PHB1: variants seen among roughly 807,000 people sequenced by gnomAD.
PHB1 encodes epididymis luminal protein 215.
the PHB1 span, chr17:49,411,559 T>C: frequency 2.4e-6 from 2 of 831,944 alleles, no homozygotes; most frequent in African/African-American, 3.4e-5. Flanking sequence ...TAGTCATTCC[T>C]ATGATGTACA....
chr17:49,411,160 G>A, the PHB1 span, among the ~76,000 whole-genome samples: 371 of 151,258 alleles, frequency 2.5e-3, no homozygotes, highest in Middle Eastern at 3.6e-3. Context: ...AAAACAGTAC[G>A]GAAAGAAATT....
At chr17:49,406,154 A>G in the PHB1 span, among the ~76,000 whole-genome samples, 1 of 152,256 alleles carries the variant, frequency 6.6e-6, no homozygotes, top group Admixed American at 6.5e-5. Context: ...CTGCCCACAC[A>G]GTGTTTTCAT....
the PHB1 span, chr17:49,412,899 G>A: frequency 0.017 from 5,872 of 339,298 alleles, 89 homozygotes; most frequent in Middle Eastern, 0.057. Flanking sequence ...TGGGTGGTGC[G>A]GCTTCACTTC....
chr17:49,409,665 C>T, the PHB1 span, among the ~76,000 whole-genome samples: 1 of 151,684 alleles, frequency 6.6e-6, no homozygotes, highest in Non-Finnish European at 1.5e-5. Flanking sequence ...CCTCAGCCTC[C>T]TGAGTAGCTG....
chr17:49,407,860 T>C, the PHB1 span, among the ~76,000 whole-genome samples: 1 of 152,222 alleles, frequency 6.6e-6, no homozygotes, highest in African/African-American at 2.4e-5. Context: ...TAGTCAAAGT[T>C]TGGGTAAGAA....
chr17:49,409,037 C>G, the PHB1 span: 1 of 1,575,276 alleles, frequency 6.3e-7, no homozygotes, highest in Non-Finnish European at 8.6e-7. Flanking sequence ...CCCGAAGGAT[C>G]TTACCAAGGA....
the PHB1 span, chr17:49,404,963 G>A: frequency 2.7e-6 from 4 of 1,473,958 alleles, no homozygotes. Context: ...GGCCCAGTCA[G>A]CCCGCGGAGG....
the PHB1 span, chr17:49,413,101 A>G: frequency 9.6e-7 from 1 of 1,042,238 alleles, no homozygotes; most frequent in Non-Finnish European, 1.5e-6. Flanking sequence ...TACCATCAAG[A>G]GTGTCACATG....
At chr17:49,412,092 G>C in the PHB1 span, 1 of 399,692 alleles carries the variant, frequency 2.5e-6, no homozygotes, top group Non-Finnish European at 4.5e-6. Flanking sequence ...GAGGGAACTG[G>C]CTGTTGATTT....
the PHB1 span, chr17:49,413,013 T>C: frequency 5.1e-6 from 3 of 589,914 alleles, no homozygotes; most frequent in Admixed American, 2.9e-5. Context: ...TCAGGGGCTC[T>C]GATAACAATG....
the PHB1 span, chr17:49,411,948 C>T: frequency 3.1e-6 from 3 of 973,356 alleles, no homozygotes; most frequent in African/African-American, 3.3e-5. Flanking sequence ...TTAAGTCTCC[C>T]CTCTTCTCTC....
chr17:49,406,222 C>T, the PHB1 span, among the ~76,000 whole-genome samples: 3 of 152,170 alleles, frequency 2.0e-5, no homozygotes, highest in East Asian at 5.8e-4. Flanking sequence ...TCCCCATCTC[C>T]CCACCAATTA....
At chr17:49,408,719 C>G in the PHB1 span, 1 of 231,566 alleles carries the variant, frequency 4.3e-6, no homozygotes, top group Admixed American at 5.1e-5. Flanking sequence ...CTCTACCAGG[C>G]AGTTTCTGCC....
At chr17:49,414,601 G>C in the PHB1 span, 1 of 152,182 alleles carries the variant, frequency 6.6e-6, no homozygotes, top group African/African-American at 2.4e-5. Flanking sequence ...TCTGAGGCTG[G>C]GACACCCGGC....
chr17:49,409,259 G>A, the PHB1 span: 1 of 1,601,166 alleles, frequency 6.2e-7, no homozygotes, highest in South Asian at 1.1e-5. Context: ...CCACTGCCAA[G>A]CGCTTCCTGC....
chr17:49,411,157 T>C, the PHB1 span, among the ~76,000 whole-genome samples: 2,304 of 151,286 alleles, frequency 0.015, 56 homozygotes, highest in African/African-American at 0.053. Flanking sequence ...TGCAAAACAG[T>C]ACGGAAAGAA....
the PHB1 span, chr17:49,411,752 G>T: frequency 1.2e-6 from 2 of 1,614,004 alleles, no homozygotes; most frequent in Non-Finnish European, 1.7e-6. Context: ...CTGTACCCAC[G>T]GGATGAGAAA....
the PHB1 span, chr17:49,404,138 G>A: frequency 2.6e-5 from 4 of 152,804 alleles, no homozygotes; most frequent in South Asian, 2.1e-4. Context: ...CCCGTGAGAA[G>A]GGCAGTCTCT....
the PHB1 span, chr17:49,413,307 CAA>C: frequency 2.1e-6 from 3 of 1,432,880 alleles, no homozygotes; most frequent in Middle Eastern, 1.7e-4. Flanking sequence ...GGGATAAAAA[CAA>C]AATACAATCA....
Sources: gnomAD v4.1 joint callset for allele counts (sites outside exome capture counted in the v4.1 genomes callset) on GRCh38, gnomAD v4.1.1 for gene constraint, MANE v1.5 for transcripts, NCBI Gene and HGNC (gene_info 2026-07-23, HGNC 2026-07-21) for gene names.